Variants in TCF12 observed in about 807,000 individuals in gnomAD.
The protein encoded by TCF12 is DNA-binding protein HTF4.
TCF12 carries 45 observed loss-of-function variants against 86.0 expected under a neutral mutation model. The observed-to-expected ratio is 0.52, with a 90% CI of 0.41 to 0.67. The LOEUF (loss-of-function observed/expected upper bound fraction) is 0.67. TCF12 is among the 30% of genes least tolerant of loss of function. The pLI is 0.00. For synonymous variants in TCF12, 330 were observed against 299.6 expected (o/e 1.10, Z -1.05); for missense variants, 881 against 859.9 (o/e 1.02, Z -0.31).
intron 5 of TCF12, among the ~76,000 whole-genome samples, chr15:57,144,451 A>G (rs1258679428): frequency 6.6e-6 from 1 of 152,364 alleles, no homozygotes; most frequent in African/African-American, 2.4e-5. Flanking sequence ...AATGCTTTTA[A>G]TGTAAACAAG....
At chr15:57,134,906 G>C (rs1227945339) in intron 5 of TCF12, among the ~76,000 whole-genome samples, 4 of 147,936 alleles carry the variant, frequency 2.7e-5, no homozygotes, top group Non-Finnish European at 6.0e-5. Flanking sequence ...TTTTTGAATA[G>C]CTGTGCACCC....
At chr15:57,134,424 TTG>T (rs1748145775) in intron 5 of TCF12, 1 of 152,244 alleles carries the variant, frequency 6.6e-6, no homozygotes, top group Admixed American at 6.5e-5. Context: ...CATTTTATTG[TTG>T]TCACTGCGGG....
chr15:57,165,517 G>A (rs1398305705), intron 5 of TCF12, among the ~76,000 whole-genome samples: 1 of 151,774 alleles, frequency 6.6e-6, no homozygotes, highest in African/African-American at 2.4e-5. Context: ...GGTGTGGTTT[G>A]AGCTATGTCT....
chr15:57,171,580 C>G (rs955862067), intron 6 of TCF12, among the ~76,000 whole-genome samples: 1 of 152,190 alleles, frequency 6.6e-6, no homozygotes, highest in African/African-American at 2.4e-5. Flanking sequence ...TGCTGACATA[C>G]TGCAAAATTC....
At chr15:57,025,756 A>G (rs1370890345) in intron 3 of TCF12, among the ~76,000 whole-genome samples, 1 of 152,206 alleles carries the variant, frequency 6.6e-6, no homozygotes, top group Non-Finnish European at 1.5e-5. Context: ...CTTACGTAAG[A>G]AATGTTAGTC....
intron 5 of TCF12, among the ~76,000 whole-genome samples, chr15:57,127,599 GTTGACCAT>G (rs1418970430): frequency 6.6e-6 from 1 of 152,208 alleles, no homozygotes; most frequent in Non-Finnish European, 1.5e-5. Flanking sequence ...TTGAGAATGA[GTTGACCAT>G]TTGTGAAATG....
At chr15:57,094,170 G>A (rs2151131026) in intron 5 of TCF12, among the ~76,000 whole-genome samples, 1 of 152,282 alleles carries the variant, frequency 6.6e-6, no homozygotes, top group Middle Eastern at 3.4e-3. Flanking sequence ...TTATAGGCAT[G>A]AGCCACCATG....
At chr15:57,241,996 A>G (rs1039424395) in intron 12 of TCF12, among the ~76,000 whole-genome samples, 12 of 150,232 alleles carry the variant, frequency 8.0e-5, no homozygotes, top group African/African-American at 2.2e-4. Flanking sequence ...CATCTCAGGG[A>G]AAAAAAAAAT....
intron 6 of TCF12, among the ~76,000 whole-genome samples, chr15:57,179,910 A>G (rs1486873272): frequency 6.6e-6 from 1 of 152,190 alleles, no homozygotes; most frequent in Non-Finnish European, 1.5e-5. Flanking sequence ...ACTAGAGAGG[A>G]TCATAATTAA....
rs1452336566 is a variant in TCF12, at chr15:57,150,443, AT to A, written c.326-15957del. On this transcript the variant is annotated intron_variant, in intron 5 of 20. Transcript: ENST00000333725. ...CTGAATTAGACCTGGACTAAAGGGTATTCTTGACCCACTGTTAGAAATATTA... is the reference window on the plus strand; with the variant it reads ...CTGAATTAGACCTGGACTAAAGGGTATCTTGACCCACTGTTAGAAATATTA... Among the ~76,000 whole-genome samples the A allele has an allele frequency of 2.0e-5, 3 of 152,194 alleles. No homozygotes were observed. In the East Asian group the frequency reaches 5.8e-4, roughly 29 times the overall value.
At chr15:57,191,498 C>T (rs1018752348) in intron 6 of TCF12, among the ~76,000 whole-genome samples, 4 of 152,274 alleles carry the variant, frequency 2.6e-5, no homozygotes, top group East Asian at 3.9e-4. Context: ...AACAGAATTT[C>T]TGCTGCCGTA....
chr15:57,239,201 A>G (rs901576523), intron 12 of TCF12, among the ~76,000 whole-genome samples: 2 of 152,204 alleles, frequency 1.3e-5, no homozygotes, highest in East Asian at 3.9e-4. Context: ...AAAATACAAA[A>G]TTAGCCTGGC....
At chr15:57,164,181 A>C (rs2054697525) in intron 5 of TCF12, among the ~76,000 whole-genome samples, 2 of 152,180 alleles carry the variant, frequency 1.3e-5, no homozygotes, top group South Asian at 4.1e-4. Context: ...CCCTACTGTT[A>C]ATTGTTAACG....
chr15:57,208,557 A>AT (rs1210570245), intron 8 of TCF12, among the ~76,000 whole-genome samples: 34 of 147,996 alleles, frequency 2.3e-4, no homozygotes, highest in East Asian at 1.0e-3. Context: ...TAATTTTTGT[A>AT]TTTTTTTTGT....
At chr15:56,982,157 A>G in intron 3 of TCF12, among the ~76,000 whole-genome samples, 1 of 152,208 alleles carries the variant, frequency 6.6e-6, no homozygotes, top group East Asian at 1.9e-4. Context: ...AGACTCAGGT[A>G]GGCTTTAGAG....
In TCF12 at chr15:57,229,869, G is replaced by A. The variant is rs114208104; in HGVS notation, c.580-1283G>A. 2.6e-5 allele frequency among the ~76,000 whole-genome samples: 4 copies of A among 151,824 alleles called. No individual in the cohort carries two copies. In the South Asian group the frequency reaches 8.3e-4, roughly 32 times the overall value. ...TGGGAAGATTAGGGTAATTTGCAAGGGGTCTTTACAGTTAATACCTCCAAG... is the reference window on the plus strand; with the variant it reads ...TGGGAAGATTAGGGTAATTTGCAAGAGGTCTTTACAGTTAATACCTCCAAG... On this transcript the variant is annotated intron_variant, in intron 8 of 20. Coordinates refer to ENST00000333725, the MANE Select transcript of TCF12 (RefSeq NM_207037.2).
At chr15:57,187,787 G>A (rs567664466) in intron 6 of TCF12, among the ~76,000 whole-genome samples, 11 of 152,052 alleles carry the variant, frequency 7.2e-5, no homozygotes, top group South Asian at 6.2e-4. Context: ...AAAATTAGCC[G>A]GACATGGTGG....
intron 12 of TCF12, among the ~76,000 whole-genome samples, chr15:57,236,479 C>A (rs1005307633): frequency 6.6e-6 from 1 of 152,094 alleles, no homozygotes; most frequent in Non-Finnish European, 1.5e-5. Flanking sequence ...ATTTTAAGTT[C>A]TTTAGAATGT....
At chr15:57,063,864 G>T (rs2068647317) in intron 4 of TCF12, 41 bp downstream of exon 4, 1 of 1,464,160 alleles carries the variant, frequency 6.8e-7, no homozygotes, top group Non-Finnish European at 9.4e-7. Context: ...CTGTAATTTG[G>T]CAGACTACGT....
Sources: allele counts gnomAD v4.1 joint callset (sites outside exome capture counted in the v4.1 genomes callset), GRCh38; gene constraint gnomAD v4.1.1; transcripts MANE v1.5; gene names NCBI Gene and HGNC (gene_info 2026-07-23, HGNC 2026-07-21).